Variants in DIAPH3 observed in about 807,000 individuals in gnomAD.
The protein encoded by DIAPH3 is protein diaphanous homolog 3.
A neutral mutation model predicts 144.3 loss-of-function variants in DIAPH3; 117 were observed. That is an observed-to-expected ratio of 0.81 (90% confidence interval 0.70 to 0.95). The LOEUF (loss-of-function observed/expected upper bound fraction) is 0.95. Among genes scored for constraint, DIAPH3 ranks in the 40% least tolerant of loss-of-function variants. DIAPH3 has a pLI of 0.00. For missense variants in DIAPH3, 1,421 were observed against 1,412.7 expected, an observed-to-expected ratio of 1.01 and a Z score of -0.09; for synonymous variants, 519 against 488.9, an observed-to-expected ratio of 1.06 and a Z score of -0.81.
In DIAPH3 at chr13:60,104,487, T is replaced by C. The variant is rs973946369; in HGVS notation, c.390+7523A>G. ...TAAACACTATTTTTTGGCCAAATAT[T>C]CTAACTGGAGAATATGGGAAGAGTG... On this transcript the variant is annotated intron_variant, in intron 3 of 27. Coordinates refer to ENST00000400324, the MANE Select transcript of DIAPH3 (RefSeq NM_001042517.2). 2.0e-5 allele frequency among the ~76,000 whole-genome samples: 3 copies of C among 151,650 alleles called. No individual in the cohort carries two copies. In the East Asian group the frequency reaches 5.8e-4, roughly 29 times the overall value.
chr13:60,080,507 T>C (rs1270630304), intron 4 of DIAPH3, among the ~76,000 whole-genome samples: 1 of 151,914 alleles, frequency 6.6e-6, no homozygotes, highest in Non-Finnish European at 1.5e-5. Flanking sequence ...AGAAAACTTT[T>C]ACATTTCAGC....
At chr13:60,140,265 T>C (rs997445690) in intron 1 of DIAPH3, among the ~76,000 whole-genome samples, 1 of 152,226 alleles carries the variant, frequency 6.6e-6, no homozygotes, top group Admixed American at 6.5e-5. Context: ...TAAACCATTT[T>C]AGGAAACAAT....
At chr13:59,965,473 G>C (rs1183397332) in intron 17 of DIAPH3, among the ~76,000 whole-genome samples, 2 of 150,148 alleles carry the variant, frequency 1.3e-5, no homozygotes. Context: ...CCAATAACCT[G>C]TTAGTATACT....
intron 27 of DIAPH3, among the ~76,000 whole-genome samples, chr13:59,765,327 G>T (rs1468766753): frequency 1.3e-5 from 2 of 152,194 alleles, no homozygotes; most frequent in Non-Finnish European, 2.9e-5. Flanking sequence ...TGGAAGGAAA[G>T]TGAAGAAGGG....
intron 4 of DIAPH3, among the ~76,000 whole-genome samples, chr13:60,069,181 C>A (rs988047474): frequency 3.3e-5 from 5 of 152,142 alleles, no homozygotes; most frequent in Admixed American, 1.3e-4. Context: ...GCCATTCCGA[C>A]TGGTGTGAGA....
At chr13:60,123,774 G>C (rs866001775) in intron 2 of DIAPH3, among the ~76,000 whole-genome samples, 1 of 152,060 alleles carries the variant, frequency 6.6e-6, no homozygotes, top group Non-Finnish European at 1.5e-5. Context: ...ATCACTCATT[G>C]TTATTAACTT....
At chr13:59,760,397 G>A (rs2037516437) in intron 27 of DIAPH3, among the ~76,000 whole-genome samples, 1 of 152,170 alleles carries the variant, frequency 6.6e-6, no homozygotes, top group Non-Finnish European at 1.5e-5. Context: ...TTAATAAGAT[G>A]TGAGTAATAA....
At chr13:59,780,334 G>A (rs915913806) in intron 25 of DIAPH3, among the ~76,000 whole-genome samples, 1 of 152,130 alleles carries the variant, frequency 6.6e-6, no homozygotes, top group African/African-American at 2.4e-5. Context: ...GGAATAACAG[G>A]TACGAAGGCA....
intron 2 of DIAPH3, among the ~76,000 whole-genome samples, chr13:60,121,489 T>A (rs760605965): frequency 5.9e-5 from 9 of 152,114 alleles, no homozygotes; most frequent in Non-Finnish European, 1.3e-4. Context: ...GACCTACAGT[T>A]GAGACCACCA....
chr13:59,717,412 G>A (rs2035116618), intron 27 of DIAPH3, among the ~76,000 whole-genome samples: 1 of 152,124 alleles, frequency 6.6e-6, no homozygotes, highest in African/African-American at 2.4e-5. Flanking sequence ...GATCCATGGT[G>A]GCAGGAACTT....
chr13:59,754,128 A>G (rs913621657), intron 27 of DIAPH3, among the ~76,000 whole-genome samples: 1 of 152,088 alleles, frequency 6.6e-6, no homozygotes, highest in Non-Finnish European at 1.5e-5. Context: ...CCTGTATCCA[A>G]CTTATCTTTC....
rs140518600 is a variant in DIAPH3 at position 60,067,242 on chromosome 13, G to A, written c.496-24422C>T. ...TGAGGCTGCAGTAAGCCATGATCAC[G>A]CCACTGCACTCCAGCCTGAGCGACA... On this transcript the variant is annotated intron_variant, in intron 4 of 27. Transcript: ENST00000400324. 3.1e-4 allele frequency among the ~76,000 whole-genome samples: 47 copies of A among 151,692 alleles called. No homozygotes were observed. The East Asian group carries it at 4.1e-3, about 13-fold the overall frequency.
At chr13:59,916,100 T>G in intron 19 of DIAPH3, 55 bp downstream of exon 19, 1 of 1,471,446 alleles carries the variant, frequency 6.8e-7, no homozygotes, top group Non-Finnish European at 9.5e-7. Flanking sequence ...AGATTTCTAT[T>G]TAATGAGAAG....
intron 3 of DIAPH3, among the ~76,000 whole-genome samples, chr13:60,111,227 A>C (rs1198624902): frequency 1.3e-5 from 2 of 152,206 alleles, no homozygotes; most frequent in Admixed American, 1.3e-4. Context: ...AACAGAGGCA[A>C]AGGCTAACCA....
intron 1 of DIAPH3, among the ~76,000 whole-genome samples, chr13:60,153,807 CATT>C (rs1157893312): frequency 6.6e-6 from 1 of 151,998 alleles, no homozygotes; most frequent in Non-Finnish European, 1.5e-5. Context: ...ATATTAGTAA[CATT>C]ATTTTTATTA....
At chr13:59,862,515 C>A (rs1593726985) in intron 21 of DIAPH3, among the ~76,000 whole-genome samples, 1 of 151,882 alleles carries the variant, frequency 6.6e-6, no homozygotes, top group East Asian at 1.9e-4. Context: ...GAAATGGGGA[C>A]AATGAGACCA....
At chr13:60,060,260 T>C (rs1481309202) in intron 4 of DIAPH3, among the ~76,000 whole-genome samples, 1 of 151,962 alleles carries the variant, frequency 6.6e-6, no homozygotes, top group Non-Finnish European at 1.5e-5. Flanking sequence ...AAATAAATAG[T>C]AGAGAGGATA....
chr13:59,767,196 C>T (rs1194065230), intron 27 of DIAPH3, among the ~76,000 whole-genome samples: 2 of 152,176 alleles, frequency 1.3e-5, no homozygotes, highest in Admixed American at 1.3e-4. Context: ...AGTAGCACCA[C>T]CTCGTTGGAT....
chr13:60,123,817 G>C (rs1047658442), intron 2 of DIAPH3, among the ~76,000 whole-genome samples: 1 of 152,076 alleles, frequency 6.6e-6, no homozygotes, highest in African/African-American at 2.4e-5. Context: ...AATGAAAATA[G>C]AAAGTAAATT....
Sources: allele counts gnomAD v4.1 joint callset (sites outside exome capture counted in the v4.1 genomes callset), GRCh38; gene constraint gnomAD v4.1.1; transcripts MANE v1.5; gene names NCBI Gene and HGNC (gene_info 2026-07-23, HGNC 2026-07-21).